The following RBM24 variants were observed in gnomAD, a reference collection of about 807,000 sequenced individuals.
The protein encoded by RBM24 is RNA-binding protein 24.
RBM24 carries 5 observed loss-of-function variants against 23.6 expected under a neutral mutation model. The ratio of observed to expected loss-of-function variants is 0.21; its 90% CI spans 0.11 to 0.45. RBM24 has a LOEUF of 0.45. Among genes scored for constraint, RBM24 ranks in the 20% least tolerant of loss-of-function variants. RBM24 has a pLI of 0.99. For missense variants in RBM24, 252 were observed against 314.6 expected (o/e 0.80, Z 1.51); for synonymous variants, 151 against 129.5 (o/e 1.17, Z -1.13).
At position 17,291,845 on chromosome 6, in the gene RBM24, C is replaced by T. The variant is rs568137951; in HGVS notation, c.437C>T (p.Thr146Ile). 1.4e-5 allele frequency: 22 copies of T among 1,614,164 alleles called. No individual in the cohort carries two copies. The South Asian group carries it at 2.4e-4, about 18-fold the overall frequency. ...CAGCCGACAGCAGCTGCCGCCTCCACCACCCCTTACATTGATTACACTGGA... is the reference window on the plus strand; with the variant it reads ...CAGCCGACAGCAGCTGCCGCCTCCATCACCCCTTACATTGATTACACTGGA... ...HVQPTAAAAS[T>I]TPYIDYTGAA... The change falls in exon 4 of 4, where the codon ACC becomes ATC. Residue 146 changes from threonine to isoleucine, a missense_variant. By Grantham distance (89) the Thr-to-Ile change is moderately conservative. Transcript: ENST00000379052.
intron 2 of RBM24, among the ~76,000 whole-genome samples, chr6:17,283,744 C>T (rs538985439): frequency 6.6e-6 from 1 of 152,174 alleles, no homozygotes; most frequent in Non-Finnish European, 1.5e-5. Context: ...AACATAAAAT[C>T]ACAGAGTATT....
At chr6:17,282,044 G>C (rs920794629) in intron 1 of RBM24, 8 of 1,280,046 alleles carry the variant, frequency 6.2e-6, no homozygotes, top group Non-Finnish European at 8.0e-6. Context: ...AGGGTTGCGA[G>C]GGAGGGGCCG....
Position 17,284,710 on chromosome 6 carries a change from G to A in RBM24, c.346G>A (p.Gly116Arg), listed in dbSNP as rs200835058. Residue 116 changes from glycine (G) to arginine (R), a missense_variant and splice_region_variant, in exon 3 of 4, where the codon GGG becomes AGG. Coordinates refer to ENST00000379052, the MANE Select transcript of RBM24 (RefSeq NM_001143942.2). ...TCCAGCCCTTATACAAAGACCTTTC[G>A]GGTAAGTTGATTAATCAGGCTTTCT... Reference protein sequence around the residue: ...LHPALIQRPFGIPAHYVYPQA... With the variant: ...LHPALIQRPFRIPAHYVYPQA... 1.9e-6 allele frequency: 3 copies of A among 1,609,296 alleles called. No homozygotes were observed. Among genetic ancestry groups the A allele is most frequent in the Non-Finnish European group, 2.5e-6 (3 of 1,177,836 alleles).
chr6:17,283,014 C>G (rs905787812), intron 2 of RBM24, 86 bp downstream of exon 2: 3 of 942,158 alleles, frequency 3.2e-6, no homozygotes, highest in African/African-American at 3.3e-5. Context: ...AAGACATTGT[C>G]TCTTTCTGTA....
intron 2 of RBM24, 184 bp downstream of exon 2, chr6:17,283,112 T>A (rs563287809): frequency 1.8e-6 from 1 of 556,600 alleles, no homozygotes; most frequent in East Asian, 2.9e-5. Flanking sequence ...TCTCAAGGCT[T>A]GAAATGTACC....
At chr6:17,288,400 A>G (rs1196596423) in intron 3 of RBM24, 1 of 985,282 alleles carries the variant, frequency 1.0e-6, no homozygotes, top group Non-Finnish European at 1.2e-6. Flanking sequence ...GGTGGAGGGT[A>G]GGGAACTCTT....
At chr6:17,286,482 C>T (rs533255936) in intron 3 of RBM24, among the ~76,000 whole-genome samples, 1 of 152,236 alleles carries the variant, frequency 6.6e-6, no homozygotes, top group South Asian at 2.1e-4. Flanking sequence ...CAGGTAGTTG[C>T]ATGTGTTTAT....
chr6:17,291,748 C>T lies in RBM24; in HGVS notation c.348-8C>T. ...TACCGCCTGACTTTGTTTTCCATTTCTCAACAGGATACCTGCCCACTATGT... is the reference window on the plus strand; with the variant it reads ...TACCGCCTGACTTTGTTTTCCATTTTTCAACAGGATACCTGCCCACTATGT... On this transcript the variant is annotated splice_region_variant and splice_polypyrimidine_tract_variant and intron_variant, in intron 3 of 3. Coordinates refer to ENST00000379052, the MANE Select transcript of RBM24 (RefSeq NM_001143942.2). The T allele has an allele frequency of 6.3e-7, 1 of 1,594,986 alleles. No homozygotes were observed. The highest frequency in any genetic ancestry group is 8.6e-7 in the Non-Finnish European group (1 of 1,168,304).
chr6:17,281,481 G>T lies in RBM24; in HGVS notation c.-101G>T, dbSNP rs1760010814. The T allele has an allele frequency of 8.9e-7, 1 of 1,120,642 alleles. No homozygotes were observed. Among genetic ancestry groups the T allele is most frequent in the South Asian group, 2.5e-5 (1 of 39,278 alleles). The allele number at this position is 1,120,642 out of a possible 1,614,324, so 69.4% of individuals were successfully genotyped here. ...CCGGGCTCGCCCTTGGCCCCCGGCG[G>T]CCGCGAAAGGGTGCGGGAGACGCGG... On this transcript the variant is annotated 5_prime_UTR_variant, in exon 1 of 4. Coordinates refer to ENST00000379052, the MANE Select transcript of RBM24 (RefSeq NM_001143942.2). The surrounding 1 kb of genome is among the most constrained non-coding windows in gnomAD (Gnocchi z 7.1).
chr6:17,291,922 G>A lies in RBM24; in HGVS notation c.514G>A (p.Ala172Thr), dbSNP rs766807896. The A allele has an allele frequency of 1.9e-6, 3 of 1,613,574 alleles. No individual in the cohort carries two copies. In the Admixed American group the frequency reaches 5.0e-5, roughly 27 times the overall value. ...AAAAAAAAAA[A>T]YDQYPYAASP... ...TGCTGCTGCTGCCGCCGCCGCTGCT[G>A]CCTATGACCAGTACCCCTATGCAGC... Residue 172 changes from alanine (A) to threonine (T), a missense_variant, in exon 4 of 4, where the codon GCC (alanine) becomes ACC (threonine). Coordinates refer to ENST00000379052, the MANE Select transcript of RBM24 (RefSeq NM_001143942.2).
chr6:17,288,795 G>C (rs1760270688), intron 3 of RBM24: 1 of 985,238 alleles, frequency 1.0e-6, no homozygotes, highest in Non-Finnish European at 1.2e-6. Flanking sequence ...GGAAATACTA[G>C]AAAGGTGTTT....
intron 3 of RBM24, among the ~76,000 whole-genome samples, chr6:17,291,299 A>G (rs1182090853): frequency 6.6e-6 from 1 of 151,880 alleles, no homozygotes; most frequent in African/African-American, 2.4e-5. Flanking sequence ...ATCACCCCAC[A>G]GAAGTGAATA....
chr6:17,291,798 G>A lies in RBM24; in HGVS notation c.390G>A (p.Pro130=), dbSNP rs377725839. The A allele has an allele frequency of 1.9e-6, 3 of 1,614,024 alleles. No homozygotes were observed. The highest frequency in any genetic ancestry group is 3.3e-5 in the Admixed American group (2 of 60,010). The part of the protein sequence containing the change: ...HYVYPQAFVQ[P]GVVIPHVQPT... ...TCTATCCGCAGGCTTTTGTGCAGCC[G>A]GGAGTGGTCATTCCACACGTCCAGC... is the stretch of plus-strand genomic sequence containing the variant. Residue 130 remains proline, a synonymous_variant, in exon 4 of 4, where the codon CCG becomes CCA. Transcript: ENST00000379052.
chr6:17,282,670 C>T, intron 1 of RBM24, 135 bp from the exon 2 acceptor site: 1 of 1,073,180 alleles, frequency 9.3e-7, no homozygotes, highest in Non-Finnish European at 1.2e-6. Context: ...GAGGGTCCAG[C>T]CAAAAGAAGC....
rs534965837 is a variant in RBM24 at position 17,292,127 on chromosome 6, A to G, written c.*8A>G. On this transcript the variant is annotated 3_prime_UTR_variant, in exon 4 of 4. Transcript: ENST00000379052. ...ACAGACCGAATGCAATAGACCAGCC[A>G]TCTGATCAAAGTTGAATTGTTTTCT... is the stretch of plus-strand genomic sequence containing the variant. 1.2e-5 allele frequency: 18 copies of G among 1,493,870 alleles called. No individual in the cohort carries two copies. In the South Asian group the frequency reaches 2.4e-4, roughly 20 times the overall value. 92.5% of individuals were successfully genotyped at this position (1,493,870 alleles called of 1,614,324 possible). A position where few individuals can be genotyped will look rare whatever the true frequency, so the allele number is the denominator to read the frequency against.
chr6:17,281,462 T>C lies in RBM24; in HGVS notation c.-120T>C. 1 of 791,974 alleles carries C rather than the reference T, an allele frequency of 1.3e-6. No individual in the cohort carries two copies. The highest frequency in any genetic ancestry group is 1.6e-6 in the Non-Finnish European group (1 of 634,380). The allele number at this position is 791,974 out of a possible 1,614,324, so 49.1% of individuals were successfully genotyped here. On this transcript the variant is annotated 5_prime_UTR_variant, in exon 1 of 4. Transcript: ENST00000379052. The surrounding 1 kb of genome is among the most constrained non-coding windows in gnomAD (Gnocchi z 7.1). Reference sequence around the variant, plus strand: ...CGCGCCGCCGCCCTCGCCCCCGGGCTCGCCCTTGGCCCCCGGCGGCCGCGA... The same window carrying C: ...CGCGCCGCCGCCCTCGCCCCCGGGCCCGCCCTTGGCCCCCGGCGGCCGCGA...
At chr6:17,289,429 G>A (rs998589621) in intron 3 of RBM24, 16 of 985,258 alleles carry the variant, frequency 1.6e-5, no homozygotes, top group Non-Finnish European at 1.6e-5. Context: ...TGATAATCCA[G>A]TGAACTTTCT....
intron 3 of RBM24, among the ~76,000 whole-genome samples, chr6:17,291,062 G>A (rs897645884): frequency 5.9e-5 from 9 of 152,300 alleles, no homozygotes; most frequent in South Asian, 4.1e-4. Flanking sequence ...ACTACAGTTC[G>A]TTTGAGAAGT....
intron 1 of RBM24, chr6:17,282,599 C>A: frequency 2.3e-6 from 1 of 443,182 alleles, no homozygotes; most frequent in Non-Finnish European, 4.0e-6. Context: ...TTTTTTCCTT[C>A]GTCTACCCGC....
Sources: gnomAD v4.1 joint callset for allele counts (sites outside exome capture counted in the v4.1 genomes callset) on GRCh38, gnomAD v4.1.1 for gene constraint, Gnocchi (gnomAD v3.1) non-coding constraint, MANE v1.5 for transcripts, NCBI Gene and HGNC (gene_info 2026-07-23, HGNC 2026-07-21) for gene names.